DNM3: variants seen among roughly 807,000 people sequenced by gnomAD.
The protein encoded by DNM3 is dynamin 3, also known as dynamin-3.
Under a neutral mutation model 101.6 loss-of-function variants are expected in DNM3, and 47 were observed. The observed-to-expected ratio is 0.46, with a 90% CI of 0.37 to 0.59. DNM3 has a LOEUF of 0.59. DNM3 is among the 20% of genes least tolerant of loss of function. The pLI is 0.00. For synonymous variants in DNM3, 385 were observed against 387.9 expected, an observed-to-expected ratio of 0.99 and a Z score of 0.09; for missense variants, 849 against 1,085.7, an observed-to-expected ratio of 0.78 and a Z score of 3.06.
Position 172,410,625 on chromosome 1 carries a change from C to T in DNM3, c.*2784C>T, listed in dbSNP as rs2071150143. The T allele has an allele frequency of 1.0e-5, 10 of 985,072 alleles. No homozygotes were observed. Among genetic ancestry groups the T allele is most frequent in the Non-Finnish European group, 1.1e-5 (9 of 829,762 alleles). 61.0% of individuals were successfully genotyped at this position (985,072 alleles called of 1,614,324 possible). On this transcript the variant is annotated 3_prime_UTR_variant, in exon 21 of 21. Transcript: ENST00000627582. The stretch of plus-strand genomic sequence containing the variant: ...AAAAGTATATTGCATTTCTAAAAAA[C>T]ATCTACCAAGGTTACTCGTCTGAAT...
chr1:172,375,010 C>A (rs1270875776), intron 17 of DNM3, among the ~76,000 whole-genome samples: 1 of 151,984 alleles, frequency 6.6e-6, no homozygotes, highest in Non-Finnish European at 1.5e-5. Flanking sequence ...AATTTCTTTA[C>A]AGTTACAAGT....
intron 10 of DNM3, among the ~76,000 whole-genome samples, chr1:172,050,869 G>T (rs1035160996): frequency 1.1e-4 from 16 of 151,986 alleles, no homozygotes; most frequent in Admixed American, 3.3e-4. Flanking sequence ...AGTGTTTATG[G>T]TATGCATGAA....
intron 10 of DNM3, among the ~76,000 whole-genome samples, chr1:172,049,913 G>A (rs75359952): frequency 6.6e-6 from 1 of 152,080 alleles, no homozygotes; most frequent in Non-Finnish European, 1.5e-5. Flanking sequence ...TCCTAGATGT[G>A]AAGGCTAAAA....
intron 15 of DNM3, among the ~76,000 whole-genome samples, chr1:172,280,956 T>A (rs945454968): frequency 6.6e-6 from 1 of 152,120 alleles, no homozygotes; most frequent in Non-Finnish European, 1.5e-5. Flanking sequence ...GATTGGAATA[T>A]GGGAAGTCAT....
At chr1:172,242,344 G>A (rs765392923) in intron 14 of DNM3, among the ~76,000 whole-genome samples, 12 of 152,062 alleles carry the variant, frequency 7.9e-5, no homozygotes, top group Non-Finnish European at 1.8e-4. Flanking sequence ...AAACTTCTTT[G>A]GTATAATTTC....
intron 20 of DNM3, among the ~76,000 whole-genome samples, chr1:172,400,899 G>A (rs892445871): frequency 4.6e-5 from 7 of 152,126 alleles, no homozygotes; most frequent in African/African-American, 1.7e-4. Context: ...CGTACTTTCT[G>A]GAAGTCCTTC....
intron 1 of DNM3, among the ~76,000 whole-genome samples, chr1:171,882,145 G>A (rs986467573): frequency 2.6e-5 from 4 of 151,868 alleles, no homozygotes; most frequent in East Asian, 1.9e-4. Flanking sequence ...TCAGGAGTTC[G>A]AGACCAGCCT....
At chr1:172,332,443 G>A (rs1049244121) in intron 17 of DNM3, among the ~76,000 whole-genome samples, 4 of 152,134 alleles carry the variant, frequency 2.6e-5, no homozygotes, top group Admixed American at 2.0e-4. Flanking sequence ...CTGAGTAGCT[G>A]GGACTACAGG....
intron 14 of DNM3, among the ~76,000 whole-genome samples, chr1:172,246,549 A>G (rs886334408): frequency 1.3e-5 from 2 of 152,204 alleles, no homozygotes; most frequent in Non-Finnish European, 2.9e-5. Flanking sequence ...GCAAATAGGC[A>G]AAGGTATTTC....
intron 18 of DNM3, among the ~76,000 whole-genome samples, chr1:172,384,278 C>A (rs886612696): frequency 3.9e-5 from 6 of 152,212 alleles, no homozygotes; most frequent in Admixed American, 3.9e-4. Flanking sequence ...TCGCTTGATA[C>A]CTGTACTGTT....
chr1:172,290,365 G>A (rs1334956202), intron 15 of DNM3, among the ~76,000 whole-genome samples: 1 of 152,162 alleles, frequency 6.6e-6, no homozygotes, highest in Non-Finnish European at 1.5e-5. Context: ...CAATGTGAAT[G>A]AGATAGAATA....
rs2057956144 is a variant in DNM3 at position 172,147,443 on chromosome 1, G to GT, written c.1659+16157dup. On this transcript the variant is annotated intron_variant, in intron 14 of 20. Transcript: ENST00000627582. ...GTTATTTAATTTGCTTATTTCAAAA[G>GT]TTGTTGACCAAAGTGATTATTGAAT... Among the ~76,000 whole-genome samples, 3 of 152,218 alleles carry GT rather than the reference G, an allele frequency of 2.0e-5. No homozygotes were observed. In the East Asian group the frequency reaches 5.8e-4, roughly 29 times the overall value.
At chr1:171,963,691 CT>C (rs1353962993) in intron 2 of DNM3, among the ~76,000 whole-genome samples, 2 of 150,774 alleles carry the variant, frequency 1.3e-5, no homozygotes, top group African/African-American at 4.9e-5. Flanking sequence ...TAAAAATGGT[CT>C]TTTTTTTAAA....
At position 172,082,852 on chromosome 1, in the gene DNM3, C is replaced by A. The variant is rs138303080; in HGVS notation, c.1493+950C>A. Among the ~76,000 whole-genome samples the A allele has an allele frequency of 2.6e-4, 39 of 152,300 alleles. No individual in the cohort carries two copies. The East Asian group carries it at 6.4e-3, about 25-fold the overall frequency. On this transcript the variant is annotated intron_variant, in intron 12 of 20. Coordinates refer to ENST00000627582, the MANE Select transcript of DNM3 (RefSeq NM_015569.5). ...TCCCAATTATCCAACTGAAAATTAT[C>A]TCATCCTAAACTTGGCTGTGGTTGT... is the stretch of plus-strand genomic sequence containing the variant.
intron 14 of DNM3, among the ~76,000 whole-genome samples, chr1:172,224,029 C>A (rs2061011505): frequency 6.6e-6 from 1 of 152,184 alleles, no homozygotes; most frequent in Admixed American, 6.5e-5. Flanking sequence ...TGAATTTAAT[C>A]CAAACTTCTT....
In DNM3 at chr1:172,062,114, A is replaced by G. The variant is rs76221175; in HGVS notation, c.1336-6705A>G. ...ACTCATTAAAGGATTTGCAATCTTT[A>G]TAATTGGTTCTTAATTTATAATTTA... On this transcript the variant is annotated intron_variant, in intron 10 of 20. Coordinates refer to ENST00000627582, the MANE Select transcript of DNM3 (RefSeq NM_015569.5). Among the ~76,000 whole-genome samples, 370 of 152,320 alleles carry G rather than the reference A, an allele frequency of 2.4e-3. 6 individuals carry two copies. The highest frequency in any genetic ancestry group is 0.02 in the Admixed American group (301 of 15,300).
intron 14 of DNM3, among the ~76,000 whole-genome samples, chr1:172,148,777 C>CT (rs959657760): frequency 2.1e-4 from 31 of 147,198 alleles, no homozygotes; most frequent in Non-Finnish European, 2.1e-4. Context: ...TAGATTAGCA[C>CT]TTTTTTTTTT....
chr1:172,092,721 A>G (rs775311425), intron 12 of DNM3, 103 bp from the exon 13 acceptor site: 36 of 1,280,638 alleles, frequency 2.8e-5, no homozygotes, highest in Non-Finnish European at 3.6e-5. Flanking sequence ...GTCTGTCTCC[A>G]TTGATTTTTT....
intron 20 of DNM3, among the ~76,000 whole-genome samples, chr1:172,394,675 A>C (rs9425301): frequency 0.55 from 83,180 of 152,012 alleles, 25,759 homozygotes; most frequent in East Asian, 0.87. Flanking sequence ...TCAGGGGACC[A>C]AGCCCTGCCC....
Sources: gnomAD v4.1 joint callset for allele counts (sites outside exome capture counted in the v4.1 genomes callset) on GRCh38, gnomAD v4.1.1 for gene constraint, MANE v1.5 for transcripts, NCBI Gene and HGNC (gene_info 2026-07-23, HGNC 2026-07-21) for gene names.